The following OPHN1 variants were observed in gnomAD, a reference collection of about 807,000 sequenced individuals.
The protein encoded by OPHN1 is oligophrenin-1.
A neutral mutation model predicts 60.7 loss-of-function variants in OPHN1; 11 were observed. That is an observed-to-expected ratio of 0.18 (90% CI 0.11 to 0.30). The LOEUF is 0.30. OPHN1 is among the 10% of genes least tolerant of loss of function. The probability of loss-of-function intolerance (pLI) is 1.00; values close to 1 mark genes in which losing one functional copy is unlikely to be tolerated. For missense variants in OPHN1, 449 were observed against 611.0 expected (o/e 0.73, Z 2.80); for synonymous variants, 226 against 222.6 (o/e 1.02, Z -0.14).
intron 19 of OPHN1, among the ~76,000 whole-genome samples, chrX:68,092,569 G>A (rs773910268): frequency 3.5e-4 from 39 of 111,645 alleles, no homozygotes; most frequent in African/African-American, 1.2e-3. Flanking sequence ...TCAGAACTTC[G>A]ACTACTTAAC....
chrX:68,306,448 G>A (rs1216099550), intron 2 of OPHN1, among the ~76,000 whole-genome samples: 2 of 111,751 alleles, frequency 1.8e-5, no homozygotes, highest in Non-Finnish European at 3.8e-5. Context: ...GAAAGATTGG[G>A]GAGGAATCAG....
At chrX:68,180,082 G>A (rs1007113590) in intron 15 of OPHN1, among the ~76,000 whole-genome samples, 3 of 111,432 alleles carry the variant, frequency 2.7e-5, no homozygotes, top group African/African-American at 9.8e-5. Flanking sequence ...CCTTGTATTT[G>A]GAGTTGAGCT....
At chrX:68,250,302 C>T (rs1484571283) in intron 5 of OPHN1, among the ~76,000 whole-genome samples, 4 of 112,304 alleles carry the variant, frequency 3.6e-5, no homozygotes, top group Non-Finnish European at 7.5e-5. Context: ...AAGTATTTCA[C>T]GGAAATAGAA....
At chrX:68,293,234 G>GA (rs1030904347) in intron 3 of OPHN1, among the ~76,000 whole-genome samples, 43 of 111,982 alleles carry the variant, frequency 3.8e-4, no homozygotes, top group Non-Finnish European at 6.6e-4. Context: ...TGGTTTTGTA[G>GA]AAAAAAATAC....
chrX:68,432,549 G>C (rs1602419039), intron 2 of OPHN1, among the ~76,000 whole-genome samples: 2 of 111,839 alleles, frequency 1.8e-5, no homozygotes, highest in African/African-American at 6.5e-5. Context: ...TGCTGAATAT[G>C]TCTAACAGTA....
At chrX:68,237,892 T>C (rs1002076521) in intron 5 of OPHN1, among the ~76,000 whole-genome samples, 2 of 112,111 alleles carry the variant, frequency 1.8e-5, no homozygotes, top group Non-Finnish European at 3.8e-5. Context: ...CAGTGCAATG[T>C]TGAATCAAAG....
chrX:68,386,912 G>C (rs1447383197), intron 2 of OPHN1, among the ~76,000 whole-genome samples: 3 of 111,531 alleles, frequency 2.7e-5, no homozygotes, highest in Admixed American at 1.9e-4. Context: ...GGAAGGAGAG[G>C]GGAGAGGAAC....
chrX:68,071,700 A>T (rs1458108077), intron 20 of OPHN1: 1 of 514,751 alleles, frequency 1.9e-6, no homozygotes, highest in Non-Finnish European at 3.5e-6. Context: ...ATTGAAGTCC[A>T]CTCTCATAAT....
intron 19 of OPHN1, among the ~76,000 whole-genome samples, chrX:68,086,492 G>T (rs187851823): frequency 0.012 from 1,343 of 112,051 alleles, 12 homozygotes; most frequent in Non-Finnish European, 0.021. Context: ...ATGTCTAAGT[G>T]TTTTATGTAT....
In OPHN1 at chrX:68,421,061, G is replaced by A. The variant is rs1027242144; in HGVS notation, c.154+11806C>T. 2.7e-5 allele frequency among the ~76,000 whole-genome samples: 3 copies of A among 111,101 alleles called. No homozygotes were observed. In the East Asian group the frequency reaches 8.4e-4, roughly 31 times the overall value. On this transcript the variant is annotated intron_variant, in intron 2 of 24. Coordinates refer to ENST00000355520, the MANE Select transcript of OPHN1 (RefSeq NM_002547.3). ...AAATGAAATGTTGAAAAGGCCCCTC[G>A]AACTCTGAGTCCAATTCCAGCAAGA...
At chrX:68,303,685 T>C (rs754032408) in intron 2 of OPHN1, among the ~76,000 whole-genome samples, 1 of 109,891 alleles carries the variant, frequency 9.1e-6, no homozygotes, top group African/African-American at 3.3e-5. Flanking sequence ...GTAATATATA[T>C]ACACAGTGAA....
intron 15 of OPHN1, among the ~76,000 whole-genome samples, chrX:68,158,997 A>C (rs945126574): frequency 2.7e-5 from 3 of 111,575 alleles, no homozygotes; most frequent in African/African-American, 9.8e-5. Flanking sequence ...GTTTTTACCC[A>C]ATGTCCTCTT....
At chrX:68,112,055 A>ACG in intron 17 of OPHN1, 96 bp from the exon 18 acceptor site, 1 of 432,224 alleles carries the variant, frequency 2.3e-6, no homozygotes, top group Admixed American at 3.4e-5. Flanking sequence ...ACACACATGC[A>ACG]CACATGCACA....
At chrX:68,056,328 T>C (rs2076872944) in intron 21 of OPHN1, among the ~76,000 whole-genome samples, 1 of 111,498 alleles carries the variant, frequency 9.0e-6, no homozygotes, top group Non-Finnish European at 1.9e-5. Flanking sequence ...GTATATGTAA[T>C]TCACATCCAT....
chrX:68,183,186 T>C (rs1350030779), intron 15 of OPHN1, among the ~76,000 whole-genome samples: 1 of 112,113 alleles, frequency 8.9e-6, no homozygotes, highest in Non-Finnish European at 1.9e-5. Context: ...TACCCAGAAG[T>C]AACTACATAA....
At chrX:68,358,967 C>T (rs1428574693) in intron 2 of OPHN1, among the ~76,000 whole-genome samples, 2 of 112,040 alleles carry the variant, frequency 1.8e-5, no homozygotes, top group Non-Finnish European at 3.8e-5. Flanking sequence ...CAAATGTCAT[C>T]ATTTTCTATT....
chrX:68,139,575 G>C (rs2077234092), intron 15 of OPHN1, among the ~76,000 whole-genome samples: 1 of 112,236 alleles, frequency 8.9e-6, no homozygotes. Flanking sequence ...ACTGGAGCTA[G>C]AGAAACTGGT....
intron 19 of OPHN1, among the ~76,000 whole-genome samples, chrX:68,087,961 T>C (rs140889677): frequency 1.8e-3 from 203 of 112,176 alleles, no homozygotes; most frequent in Middle Eastern, 4.6e-3. Context: ...ATCACGTCTG[T>C]TGTTACCAAG....
chrX:68,120,075 G>GA (rs745582151), intron 15 of OPHN1, among the ~76,000 whole-genome samples: 16 of 110,746 alleles, frequency 1.4e-4, no homozygotes, highest in African/African-American at 4.9e-4. Context: ...CCAAGAGGGG[G>GA]AAAAAAAATT....
Sources: gnomAD v4.1 joint callset for allele counts (sites outside exome capture counted in the v4.1 genomes callset) on GRCh38, gnomAD v4.1.1 for gene constraint, MANE v1.5 for transcripts, NCBI Gene and HGNC (gene_info 2026-07-23, HGNC 2026-07-21) for gene names.